Variants in DYTN observed in about 807,000 individuals in gnomAD.
DYTN encodes dystrotelin.
In DYTN, 75 loss-of-function variants were observed where a neutral mutation model predicts 69.6. That is an observed-to-expected ratio of 1.08 (90% CI 0.89 to 1.31). The LOEUF (loss-of-function observed/expected upper bound fraction) is 1.31. Ranked by LOEUF, DYTN falls within the 50% of genes most tolerant of loss-of-function variation. The probability of loss-of-function intolerance (pLI) is 0.00; values close to 1 mark genes in which losing one functional copy is unlikely to be tolerated. For synonymous variants in DYTN, 252 were observed against 249.1 expected (o/e 1.01, Z -0.11); for missense variants, 726 against 688.4 (o/e 1.05, Z -0.61).
chr2:206,673,412 C>T (rs1013423163), intron 9 of DYTN, among the ~76,000 whole-genome samples: 2 of 152,132 alleles, frequency 1.3e-5, no homozygotes, highest in South Asian at 2.1e-4. Flanking sequence ...CACGCACCAC[C>T]ACACCCAGCT....
intron 11 of DYTN, among the ~76,000 whole-genome samples, chr2:206,654,129 G>A (rs1699420411): frequency 6.6e-6 from 1 of 152,194 alleles, no homozygotes; most frequent in Non-Finnish European, 1.5e-5. Flanking sequence ...TGCCTTCATG[G>A]AGCTTAAATG....
chr2:206,666,684 G>T (rs560464332), intron 9 of DYTN, among the ~76,000 whole-genome samples: 13 of 152,066 alleles, frequency 8.5e-5, no homozygotes, highest in African/African-American at 2.9e-4. Context: ...TTGTCTAGTT[G>T]TTCATTGGTT....
intron 11 of DYTN, among the ~76,000 whole-genome samples, chr2:206,652,747 T>A (rs1258684553): frequency 6.6e-6 from 1 of 152,148 alleles, no homozygotes; most frequent in Non-Finnish European, 1.5e-5. Context: ...CTAACTTATG[T>A]TGAAAAAGTA....
chr2:206,699,771 A>C lies in DYTN; in HGVS notation c.675T>G (p.Pro225=), dbSNP rs1244618700. The C allele has an allele frequency of 6.2e-7, 1 of 1,613,892 alleles. No individual in the cohort carries two copies. Among genetic ancestry groups the C allele is most frequent in the South Asian group, 1.1e-5 (1 of 91,078 alleles). The change falls in exon 7 of 12, where the codon CCT becomes CCG. Residue 225 remains proline (P), a synonymous_variant. Coordinates refer to ENST00000452335, the MANE Select transcript of DYTN (RefSeq NM_001093730.1). ...AAGTCCTGCAGAGAGTGCACCGAGC[A>C]GGGTGAGTGACCCTTTCAGCAGCTG... The part of the protein sequence containing the change: ...RLSAAERVTH[P]ARCTLCRTFP...
At chr2:206,667,169 C>G (rs1178560746) in intron 9 of DYTN, among the ~76,000 whole-genome samples, 3 of 152,184 alleles carry the variant, frequency 2.0e-5, no homozygotes, top group African/African-American at 7.2e-5. Flanking sequence ...AAACAAAAGT[C>G]CTTACAGAGG....
At chr2:206,659,731 CA>C (rs1379076662) in intron 11 of DYTN, among the ~76,000 whole-genome samples, 1 of 151,974 alleles carries the variant, frequency 6.6e-6, no homozygotes, top group Non-Finnish European at 1.5e-5. Flanking sequence ...TCCAAATTGC[CA>C]ATGGCTAAGT....
intron 9 of DYTN, among the ~76,000 whole-genome samples, chr2:206,692,834 C>G (rs1195252874): frequency 6.7e-6 from 1 of 149,714 alleles, no homozygotes; most frequent in African/African-American, 2.5e-5. Flanking sequence ...AGTATTAATT[C>G]TGAATTAGCC....
intron 7 of DYTN, among the ~76,000 whole-genome samples, chr2:206,699,420 C>A (rs1699952909): frequency 6.6e-6 from 1 of 152,116 alleles, no homozygotes; most frequent in African/African-American, 2.4e-5. Context: ...GTGACAGAGA[C>A]CCTGTCTCTA....
Position 206,707,461 on chromosome 2 carries a change from C to A in DYTN, c.137G>T (p.Arg46Leu). 1 of 1,612,232 alleles carries A rather than the reference C, an allele frequency of 6.2e-7. No homozygotes were observed. The highest frequency in any genetic ancestry group is 8.5e-7 in the Non-Finnish European group (1 of 1,179,302). ...CTTGCGAGCTTCCCAGAAACTTGGA[C>A]GCAGTAGGACCTGCTGAATCAGGGA... ...DSSLIQQVLL[R>L]PSFWEARKHS... The change falls in exon 3 of 12, where the codon CGT becomes CTT. Residue 46 changes from arginine (R) to leucine (L), a missense_variant. Coordinates refer to ENST00000452335, the MANE Select transcript of DYTN (RefSeq NM_001093730.1).
intron 5 of DYTN, among the ~76,000 whole-genome samples, chr2:206,703,214 CA>C (rs1699993040): frequency 6.6e-6 from 1 of 152,140 alleles, no homozygotes. Context: ...CAGGAGAGCA[CA>C]AAGAGTTCTC....
intron 9 of DYTN, among the ~76,000 whole-genome samples, chr2:206,688,664 G>T (rs192209253): frequency 6.6e-6 from 1 of 152,310 alleles, no homozygotes; most frequent in African/African-American, 2.4e-5. Context: ...AAATTTGTAA[G>T]TATTGAATCT....
rs191499314 is a variant in DYTN at position 206,686,223 on chromosome 2, A to G, written c.980+6952T>C. ...AGGTTTTCTGTGCCTTTTTTGGTAC[A>G]AGAACAGGTAAGTCACAGGAAACGT... On this transcript the variant is annotated intron_variant, in intron 9 of 11. Transcript: ENST00000452335. 2.7e-3 allele frequency among the ~76,000 whole-genome samples: 416 copies of G among 152,290 alleles called. 5 individuals carry two copies. The highest frequency in any genetic ancestry group is 0.014 in the Admixed American group (215 of 15,294).
At chr2:206,696,199 G>A (rs144313022) in intron 7 of DYTN, among the ~76,000 whole-genome samples, 49 of 152,296 alleles carry the variant, frequency 3.2e-4, no homozygotes, top group African/African-American at 1.2e-3. Context: ...AAAATCCCAA[G>A]TAGAAAGAAG....
rs551224396 is a variant in DYTN at position 206,663,344 on chromosome 2, T to C, written c.1192A>G (p.Asn398Asp). 1.4e-5 allele frequency: 23 copies of C among 1,612,672 alleles called. 1 individual carries two copies. The South Asian group carries it at 2.4e-4, about 17-fold the overall frequency. ...TCAGTTGAAGAATGGTCAACCTTGT[T>C]CCCCACATTTTGAAAGGAAGAAGAT... ...PSSSSFQNVG[N>D]KVDHSSTEKV... The change falls in exon 11 of 12, where the codon AAC (asparagine) becomes GAC (aspartate). Residue 398 changes from asparagine (N) to aspartate (D), a missense_variant. Coordinates refer to ENST00000452335, the MANE Select transcript of DYTN (RefSeq NM_001093730.1).
intron 10 of DYTN, among the ~76,000 whole-genome samples, chr2:206,664,803 C>T (rs982890630): frequency 1.3e-5 from 2 of 152,124 alleles, no homozygotes; most frequent in African/African-American, 2.4e-5. Flanking sequence ...CATTAATGAA[C>T]GTGAATTTTT....
At chr2:206,679,948 A>G (rs1190031512) in intron 9 of DYTN, among the ~76,000 whole-genome samples, 3 of 152,186 alleles carry the variant, frequency 2.0e-5, no homozygotes, top group Non-Finnish European at 2.9e-5. Flanking sequence ...TCAGGATGCT[A>G]TAACAAACAG....
chr2:206,709,036 TG>T (rs1478064185), intron 2 of DYTN, among the ~76,000 whole-genome samples: 1 of 151,450 alleles, frequency 6.6e-6, no homozygotes, highest in African/African-American at 2.5e-5. Flanking sequence ...TTTAGCTTTT[TG>T]TTTGTTCCTG....
chr2:206,701,206 CCTTTCCAAA>C (rs1699973196), intron 5 of DYTN: 3 of 152,188 alleles, frequency 2.0e-5, no homozygotes, highest in Non-Finnish European at 2.9e-5. Flanking sequence ...TTGAGAAAAA[CCTTTCCAAA>C]CACTTTCATA....
intron 8 of DYTN, among the ~76,000 whole-genome samples, chr2:206,694,304 A>G (rs185729425): frequency 2.0e-3 from 308 of 152,342 alleles, no homozygotes; most frequent in Non-Finnish European, 3.5e-3. Context: ...TTGAGATAAT[A>G]ATCTTTCTTT....
Sources: allele counts gnomAD v4.1 joint callset (sites outside exome capture counted in the v4.1 genomes callset), GRCh38; gene constraint gnomAD v4.1.1; transcripts MANE v1.5; gene names NCBI Gene and HGNC (gene_info 2026-07-23, HGNC 2026-07-21).